The following STIM2 variants were observed in gnomAD, a reference collection of about 807,000 sequenced individuals.
The protein encoded by STIM2 is stromal interaction molecule 2.
Under a neutral mutation model 85.8 loss-of-function variants are expected in STIM2, and 31 were observed. That is an observed-to-expected ratio of 0.36 (90% CI 0.27 to 0.49). STIM2 has a LOEUF of 0.49. Ranked by LOEUF, STIM2 falls within the 20% of genes least tolerant of loss-of-function variation. The pLI is 0.98. For missense variants in STIM2, 841 were observed against 927.6 expected (o/e 0.91, Z 1.21); for synonymous variants, 356 against 331.1 (o/e 1.08, Z -0.82).
At chr4:26,888,042 A>C (rs1045171167) in intron 1 of STIM2, among the ~76,000 whole-genome samples, 1 of 152,244 alleles carries the variant, frequency 6.6e-6, no homozygotes, top group East Asian at 1.9e-4. Flanking sequence ...GCCCACCCAC[A>C]TTTCCAAGAA....
intron 2 of STIM2, among the ~76,000 whole-genome samples, chr4:26,941,843 T>C (rs946463743): frequency 6.6e-6 from 1 of 152,148 alleles, no homozygotes; most frequent in African/African-American, 2.4e-5. Flanking sequence ...CAATTCAATG[T>C]AGAGATTTTA....
In STIM2 at chr4:26,957,608, A is replaced by T; in HGVS notation, c.283-4A>T. On this transcript the variant is annotated splice_region_variant and splice_polypyrimidine_tract_variant and intron_variant, in intron 2 of 11. Transcript: ENST00000467087. ...TATTTAACTTAATGTTTTCTCTTCT[A>T]TAGTTCATCAGAGAAGATATGAAAT... The T allele has an allele frequency of 6.9e-7, 1 of 1,439,558 alleles. No individual in the cohort carries two copies. The highest frequency in any genetic ancestry group is 9.4e-7 in the Non-Finnish European group (1 of 1,061,158). The allele number at this position is 1,439,558 out of a possible 1,614,324, so 89.2% of individuals were successfully genotyped here.
intron 2 of STIM2, among the ~76,000 whole-genome samples, chr4:26,931,379 A>G (rs1725199955): frequency 6.6e-6 from 1 of 152,152 alleles, no homozygotes; most frequent in Non-Finnish European, 1.5e-5. Flanking sequence ...TGCTTACCAC[A>G]GTTTATTTTG....
chr4:26,869,736 A>C (rs1266938798), intron 1 of STIM2, among the ~76,000 whole-genome samples: 2 of 151,698 alleles, frequency 1.3e-5, no homozygotes, highest in South Asian at 4.2e-4. Context: ...TGGATTGCAT[A>C]ATCTAAAAAT....
intron 11 of STIM2, chr4:27,019,704 A>C (rs751315127): frequency 1.1e-5 from 4 of 353,534 alleles, no homozygotes; most frequent in African/African-American, 2.1e-5. Flanking sequence ...TATGAGACGG[A>C]GTCTCGCTCT....
At chr4:26,892,486 A>G (rs1723531207) in intron 1 of STIM2, among the ~76,000 whole-genome samples, 1 of 152,004 alleles carries the variant, frequency 6.6e-6, no homozygotes, top group Non-Finnish European at 1.5e-5. Flanking sequence ...CTCAATTCCT[A>G]TTATTACTTT....
At chr4:26,933,446 T>C (rs1428118896) in intron 2 of STIM2, among the ~76,000 whole-genome samples, 1 of 152,190 alleles carries the variant, frequency 6.6e-6, no homozygotes, top group Non-Finnish European at 1.5e-5. Context: ...GTGGTTCAAA[T>C]ACAGTCCTTC....
Position 26,865,045 on chromosome 4 carries a change from G to A in STIM2, c.151+3676G>A, listed in dbSNP as rs536744580. 2.6e-5 allele frequency among the ~76,000 whole-genome samples: 4 copies of A among 152,226 alleles called. No homozygotes were observed. In the South Asian group the frequency reaches 8.3e-4, roughly 32 times the overall value. Reference sequence around the variant, plus strand: ...TCCATTGTGACCGTAGACTCAAAGTGGATTCAGATAGCCTGAGAGACCTTT... The same window carrying A: ...TCCATTGTGACCGTAGACTCAAAGTAGATTCAGATAGCCTGAGAGACCTTT... On this transcript the variant is annotated intron_variant, in intron 1 of 11. Coordinates refer to ENST00000467087, the MANE Select transcript of STIM2 (RefSeq NM_020860.4).
At chr4:26,863,169 T>C (rs1388685333) in intron 1 of STIM2, among the ~76,000 whole-genome samples, 1 of 152,122 alleles carries the variant, frequency 6.6e-6, no homozygotes, top group African/African-American at 2.4e-5. Flanking sequence ...TCTATACTTA[T>C]TTAAGGCATG....
At chr4:26,906,674 A>G (rs1211035814) in intron 1 of STIM2, among the ~76,000 whole-genome samples, 1 of 152,126 alleles carries the variant, frequency 6.6e-6, no homozygotes, top group African/African-American at 2.4e-5. Flanking sequence ...CTAGCATGTG[A>G]TACCTCATTT....
At chr4:27,002,157 T>C (rs1728176140) in intron 5 of STIM2, 60 bp from the exon 6 acceptor site, 10 of 1,466,184 alleles carry the variant, frequency 6.8e-6, no homozygotes, top group Admixed American at 4.9e-5. Context: ...AAATGTCTTT[T>C]TGTATTGAGG....
At chr4:27,010,796 T>C (rs1377756394) in intron 10 of STIM2, among the ~76,000 whole-genome samples, 1 of 152,230 alleles carries the variant, frequency 6.6e-6, no homozygotes, top group Non-Finnish European at 1.5e-5. Context: ...AGAATAATAT[T>C]GTCTATGTGT....
At chr4:26,973,097 C>G (rs905859615) in intron 3 of STIM2, among the ~76,000 whole-genome samples, 1 of 152,130 alleles carries the variant, frequency 6.6e-6, no homozygotes, top group Non-Finnish European at 1.5e-5. Flanking sequence ...TCCCCTTTAT[C>G]ATTTTTTATT....
At chr4:26,875,177 A>G (rs930136347) in intron 1 of STIM2, among the ~76,000 whole-genome samples, 16 of 152,208 alleles carry the variant, frequency 1.1e-4, no homozygotes, top group Non-Finnish European at 1.3e-4. Context: ...AACTTAGTGT[A>G]ATCGACCTAA....
chr4:26,916,154 G>T (rs572764715), intron 1 of STIM2, among the ~76,000 whole-genome samples: 3 of 152,222 alleles, frequency 2.0e-5, no homozygotes, highest in African/African-American at 7.2e-5. Context: ...TAACTAGAAG[G>T]TAAACAACTA....
At chr4:27,001,406 G>A (rs1314332441) in intron 5 of STIM2, among the ~76,000 whole-genome samples, 1 of 152,120 alleles carries the variant, frequency 6.6e-6, no homozygotes, top group Non-Finnish European at 1.5e-5. Flanking sequence ...AAGGCTGGGG[G>A]TTAACATCAT....
chr4:26,955,957 A>C (rs577588722), intron 2 of STIM2, among the ~76,000 whole-genome samples: 22 of 152,284 alleles, frequency 1.4e-4, no homozygotes, highest in African/African-American at 5.1e-4. Context: ...AATATTATAC[A>C]ATTGTTAAAA....
rs377136972 is a variant in STIM2, at chr4:27,023,182, A to G, written c.*186A>G. 3.3e-6 allele frequency: 2 copies of G among 601,166 alleles called. No homozygotes were observed. The highest frequency in any genetic ancestry group is 2.8e-5 in the East Asian group (1 of 36,334). The allele number at this position is 601,166 out of a possible 1,614,324, so 37.2% of individuals were successfully genotyped here. On this transcript the variant is annotated 3_prime_UTR_variant, in exon 12 of 12. Coordinates refer to ENST00000467087, the MANE Select transcript of STIM2 (RefSeq NM_020860.4). Reference sequence around the variant, plus strand: ...ACTGTCTGCTTATTTAAGTGACTATATATAATCAATTCATCAAGCCAGTTA... The same window carrying G: ...ACTGTCTGCTTATTTAAGTGACTATGTATAATCAATTCATCAAGCCAGTTA...
chr4:26,956,082 G>A (rs1726226494), intron 2 of STIM2, among the ~76,000 whole-genome samples: 1 of 152,246 alleles, frequency 6.6e-6, no homozygotes, highest in Admixed American at 6.5e-5. Flanking sequence ...TCTGGCATTT[G>A]TAGCTGTGGG....
Sources: allele counts gnomAD v4.1 joint callset (sites outside exome capture counted in the v4.1 genomes callset), GRCh38; gene constraint gnomAD v4.1.1; transcripts MANE v1.5; gene names NCBI Gene and HGNC (gene_info 2026-07-23, HGNC 2026-07-21).